The following NCKAP5 variants were observed in gnomAD, a reference collection of about 807,000 sequenced individuals.
The protein encoded by NCKAP5 is nck-associated protein 5.
Under a neutral mutation model 167.0 loss-of-function variants are expected in NCKAP5, and 92 were observed. That is an observed-to-expected ratio of 0.55 (90% CI 0.47 to 0.66). The LOEUF (loss-of-function observed/expected upper bound fraction) is 0.66. Among genes scored for constraint, NCKAP5 ranks in the 30% least tolerant of loss-of-function variants. The pLI is 0.00. For synonymous variants in NCKAP5, 891 were observed against 877.4 expected (o/e 1.02, Z -0.27); for missense variants, 2,378 against 2,315.0 (o/e 1.03, Z -0.56).
At chr2:133,201,186 G>A (rs547988838) in intron 5 of NCKAP5, among the ~76,000 whole-genome samples, 15 of 152,250 alleles carry the variant, frequency 9.9e-5, no homozygotes, top group South Asian at 2.1e-4. Context: ...TGACTACAGC[G>A]TGAATCTGCT....
chr2:132,817,711 G>A (rs527732701), intron 11 of NCKAP5, among the ~76,000 whole-genome samples: 4 of 152,138 alleles, frequency 2.6e-5, no homozygotes, highest in Non-Finnish European at 4.4e-5. Context: ...GGTTCCCAGC[G>A]CCTGGCCAGG....
intron 3 of NCKAP5, among the ~76,000 whole-genome samples, chr2:133,414,314 C>G (rs1688967832): frequency 6.6e-6 from 1 of 152,156 alleles, no homozygotes; most frequent in Admixed American, 6.5e-5. Flanking sequence ...GGTGCCATTC[C>G]AAATGGAGTC....
intron 3 of NCKAP5, among the ~76,000 whole-genome samples, chr2:133,510,556 T>TA (rs1310475577): frequency 1.3e-5 from 2 of 152,234 alleles, no homozygotes; most frequent in Non-Finnish European, 2.9e-5. Context: ...CCTTTGTCAA[T>TA]TGTTTTGCTG....
intron 8 of NCKAP5, among the ~76,000 whole-genome samples, chr2:132,940,332 A>G (rs1473698115): frequency 6.6e-6 from 1 of 152,192 alleles, no homozygotes; most frequent in Admixed American, 6.6e-5. Context: ...TCCTCAAGAC[A>G]GAGTCCATTT....
chr2:133,054,282 C>T (rs1182505362), intron 6 of NCKAP5, among the ~76,000 whole-genome samples: 2 of 152,144 alleles, frequency 1.3e-5, no homozygotes, highest in South Asian at 2.1e-4. Flanking sequence ...TGTTACCTCC[C>T]CACCCCAGTA....
chr2:133,210,342 G>T (rs565044373), intron 5 of NCKAP5, among the ~76,000 whole-genome samples: 36 of 151,780 alleles, frequency 2.4e-4, no homozygotes, highest in Admixed American at 7.2e-4. Context: ...ATTATAACAG[G>T]TTTGTTGATG....
intron 4 of NCKAP5, among the ~76,000 whole-genome samples, chr2:133,272,051 A>ATTTT (rs2089538170): frequency 6.6e-6 from 1 of 152,072 alleles, no homozygotes; most frequent in Non-Finnish European, 1.5e-5. Context: ...ATACTTATAA[A>ATTTT]AATCCATGCT....
intron 19 of NCKAP5, among the ~76,000 whole-genome samples, chr2:132,673,764 T>C (rs1031641854): frequency 7.2e-5 from 11 of 152,234 alleles, no homozygotes; most frequent in Admixed American, 2.6e-4. Context: ...TGAATACATG[T>C]TAAGCTTGTT....
At chr2:132,934,571 C>T (rs567306184) in intron 8 of NCKAP5, among the ~76,000 whole-genome samples, 2 of 151,630 alleles carry the variant, frequency 1.3e-5, no homozygotes, top group African/African-American at 2.4e-5. Context: ...GACTCTGTCT[C>T]GAACAAAGAA....
the NCKAP5 span, among the ~76,000 whole-genome samples, chr2:133,631,653 G>C: frequency 6.6e-6 from 1 of 152,176 alleles, no homozygotes; most frequent in Non-Finnish European, 1.5e-5. Flanking sequence ...TGTTGAGTTT[G>C]ATACAATAAC....
At chr2:133,514,943 A>G (rs917780984) in intron 3 of NCKAP5, among the ~76,000 whole-genome samples, 4 of 151,914 alleles carry the variant, frequency 2.6e-5, no homozygotes, top group Admixed American at 1.3e-4. Flanking sequence ...ATAAAATAAA[A>G]AGCATGCATT....
intron 6 of NCKAP5, among the ~76,000 whole-genome samples, chr2:133,086,499 G>A (rs369213528): frequency 2.0e-5 from 3 of 151,948 alleles, no homozygotes; most frequent in Admixed American, 6.6e-5. Flanking sequence ...AAAATTAACC[G>A]GGCATGGTGG....
At chr2:133,600,867 T>A in the NCKAP5 span, among the ~76,000 whole-genome samples, 1 of 152,238 alleles carries the variant, frequency 6.6e-6, no homozygotes, top group Non-Finnish European at 1.5e-5. Context: ...CTCCCTCACC[T>A]GTGAGGCTTC....
chr2:133,610,811 T>A, the NCKAP5 span, among the ~76,000 whole-genome samples: 1 of 152,216 alleles, frequency 6.6e-6, no homozygotes, highest in Non-Finnish European at 1.5e-5. Context: ...TCTTTTTATT[T>A]ACATTTTCTA....
At chr2:133,080,239 G>A (rs1325494712) in intron 6 of NCKAP5, among the ~76,000 whole-genome samples, 1 of 152,136 alleles carries the variant, frequency 6.6e-6, no homozygotes, top group African/African-American at 2.4e-5. Context: ...GTCATTAGTT[G>A]ATTATCAAAT....
chr2:132,684,328 A>G (rs1235910206), intron 19 of NCKAP5, among the ~76,000 whole-genome samples: 1 of 152,208 alleles, frequency 6.6e-6, no homozygotes, highest in Non-Finnish European at 1.5e-5. Flanking sequence ...TCTAATCTGT[A>G]AAGAAGGTCC....
chr2:133,307,488 C>A (rs1307289957), intron 3 of NCKAP5, among the ~76,000 whole-genome samples: 1 of 151,524 alleles, frequency 6.6e-6, no homozygotes, highest in Non-Finnish European at 1.5e-5. Context: ...TCTATTGGCA[C>A]AAGAGTTGAA....
rs200194955 is a variant in NCKAP5, at chr2:132,752,888, C to T, written c.5129-20837G>A. 1.1e-4 allele frequency among the ~76,000 whole-genome samples: 16 copies of T among 152,272 alleles called. 1 individual carries two copies. In the East Asian group the frequency reaches 2.9e-3, roughly 28 times the overall value. ...TGATGTTTCAGTTCAAGCACAAAGA[C>T]AGGAAAAAGAAATGTCCCAGTTGAA... On this transcript the variant is annotated intron_variant, in intron 16 of 19. Coordinates refer to ENST00000409261, the MANE Select transcript of NCKAP5 (RefSeq NM_207363.3).
At chr2:132,813,276 T>A (rs1253322457) in intron 11 of NCKAP5, among the ~76,000 whole-genome samples, 1 of 152,198 alleles carries the variant, frequency 6.6e-6, no homozygotes, top group East Asian at 1.9e-4. Flanking sequence ...TCTCATTCCA[T>A]CACTTTCTGC....
Sources: gnomAD v4.1 joint callset for allele counts (sites outside exome capture counted in the v4.1 genomes callset) on GRCh38, gnomAD v4.1.1 for gene constraint, MANE v1.5 for transcripts, NCBI Gene and HGNC (gene_info 2026-07-23, HGNC 2026-07-21) for gene names.